The following PSG8 variants were observed in gnomAD, a reference collection of about 807,000 sequenced individuals.
The protein encoded by PSG8 is pregnancy-specific beta-1-glycoprotein 8.
Under a neutral mutation model 42.5 loss-of-function variants are expected in PSG8, and 57 were observed. The ratio of observed to expected loss-of-function variants is 1.34; its 90% CI spans 1.08 to 1.67. The LOEUF (loss-of-function observed/expected upper bound fraction) is 1.67. Ranked by LOEUF, PSG8 falls within the 40% of genes most tolerant of loss-of-function variation. The pLI is 0.00. For synonymous variants in PSG8, 280 were observed against 196.8 expected (o/e 1.42, Z -3.54); for missense variants, 783 against 518.6 (o/e 1.51, Z -4.95).
chr19:42,758,293 C>G lies in PSG8; in HGVS notation c.431-13G>C, dbSNP rs1456082552. The G allele has an allele frequency of 2.5e-6, 4 of 1,611,678 alleles. No homozygotes were observed. The highest frequency in any genetic ancestry group is 1.1e-5 in the South Asian group (1 of 90,930). ...TTGGGAGTCTCCACTGTGCAGAAAA[C>G]AGAGAGAAGATTGCCCTGTGTGGCA... On this transcript the variant is annotated splice_polypyrimidine_tract_variant and intron_variant, in intron 2 of 4. Transcript: ENST00000306511.
rs139062966 is a variant in PSG8, at chr19:42,757,294, T to C, written c.709+708A>G. Among the ~76,000 whole-genome samples the C allele has an allele frequency of 7.2e-5, 11 of 152,228 alleles. No individual in the cohort carries two copies. In the East Asian group the frequency reaches 2.1e-3, roughly 29 times the overall value. On this transcript the variant is annotated intron_variant, in intron 3 of 4. Transcript: ENST00000306511. ...AGGTGGCTCTTCCCTGATAACTAGATAGACTTCACTGGAAAACATAGTGCC... is the reference window on the plus strand; with the variant it reads ...AGGTGGCTCTTCCCTGATAACTAGACAGACTTCACTGGAAAACATAGTGCC...
rs550190245 is a variant in PSG8 at position 42,760,596 on chromosome 19, T to C, written c.431-2316A>G. Among the ~76,000 whole-genome samples, 4 of 152,180 alleles carry C rather than the reference T, an allele frequency of 2.6e-5. No individual in the cohort carries two copies. The East Asian group carries it at 7.7e-4, about 29-fold the overall frequency. ...TTCATTTCTCTAACAGCATTTTTTT[T>C]TTCTGAGACAGAGTCTCACTCTGTC... On this transcript the variant is annotated intron_variant, in intron 2 of 4. Coordinates refer to ENST00000306511, the MANE Select transcript of PSG8 (RefSeq NM_182707.3).
At position 42,764,103 on chromosome 19, in the gene PSG8, T is replaced by C. The variant is rs1463386375; in HGVS notation, c.243A>G (p.Ser81=). The C allele has an allele frequency of 1.9e-6, 3 of 1,613,828 alleles. No homozygotes were observed. The highest frequency in any genetic ancestry group is 2.2e-5 in the East Asian group (1 of 44,862). Residue 81 remains serine (S), a synonymous_variant, in exon 2 of 5, where the codon TCA becomes TCG. Coordinates refer to ENST00000306511, the MANE Select transcript of PSG8 (RefSeq NM_182707.3). The part of the protein sequence containing the change: ...QIRDLYHYIT[S]YVVDGQIIIY... ...TAATTATTTGACCGTCTACTACATA[T>C]GATGTAATGTAATGGTAGAGGTCCC...
Position 42,758,005 on chromosome 19 carries a change from G to T in PSG8, c.706C>A (p.Leu236Ile), listed in dbSNP as rs2122247544. 1.2e-6 allele frequency: 2 copies of T among 1,614,062 alleles called. No individual in the cohort carries two copies. Among genetic ancestry groups the T allele is most frequent in the East Asian group, 2.2e-5 (1 of 44,882 alleles). Residue 236 changes from leucine to isoleucine, a missense_variant, in exon 3 of 5, where the codon CTC becomes ATC. Transcript: ENST00000306511. ...SRSDPFTLNL[L>I]PKLPKPYITI... ...CAGAGGAACAGAAAATACTCACGGA[G>T]GAGATTCAGGGTGAATGGGTCACTG...
chr19:42,758,463 C>T (rs1411920578), intron 2 of PSG8, 183 bp from the exon 3 acceptor site: 30 of 1,300,608 alleles, frequency 2.3e-5, no homozygotes, highest in Admixed American at 2.1e-4. Context: ...TGTGAGGCTG[C>T]CTGCTTCATG....
chr19:42,763,795 C>T (rs1970136663), intron 2 of PSG8, 121 bp downstream of exon 2: 4 of 1,564,050 alleles, frequency 2.6e-6, no homozygotes, highest in Admixed American at 1.7e-5. Context: ...ATGCCCAAAC[C>T]CCAGCATGGG....
rs1188574591 is a variant in PSG8 at position 42,764,154 on chromosome 19, G to A, written c.192C>T (p.Gly64=). 2.5e-6 allele frequency: 4 copies of A among 1,613,900 alleles called. No homozygotes were observed. Among genetic ancestry groups the A allele is most frequent in the East Asian group, 4.5e-5 (2 of 44,862 alleles). Reference sequence around the variant, plus strand: ...TGATTTGCCCTTTGTACCAGATGTAGCCAGTAAGATTCTGGGGCAAATTGT... The same window carrying A: ...TGATTTGCCCTTTGTACCAGATGTAACCAGTAAGATTCTGGGGCAAATTGT... The part of the protein sequence containing the change: ...LVHNLPQNLT[G]YIWYKGQIRD... Residue 64 remains glycine (G), a synonymous_variant, in exon 2 of 5, where the codon GGC becomes GGT. Transcript: ENST00000306511.
intron 2 of PSG8, among the ~76,000 whole-genome samples, chr19:42,759,629 G>A (rs1471593635): frequency 6.6e-6 from 1 of 152,120 alleles, no homozygotes; most frequent in Non-Finnish European, 1.5e-5. Flanking sequence ...TCAGATTGTG[G>A]ATTTCTGGAT....
In PSG8 at chr19:42,765,424, T is replaced by C. The variant is rs988636865; in HGVS notation, c.64+94A>G. The stretch of plus-strand genomic sequence containing the variant: ...GCCTCAGCCTCCCAAAGTGCTGGCT[T>C]CTTTCATTTTTTAGTACCCCATACT... On this transcript the variant is annotated intron_variant, in intron 1 of 4. Coordinates refer to ENST00000306511, the MANE Select transcript of PSG8 (RefSeq NM_182707.3). 2.2e-4 allele frequency: 339 copies of C among 1,565,960 alleles called. 2 individuals are homozygous for C. Among genetic ancestry groups the C allele is most frequent in the Non-Finnish European group, 2.7e-4 (307 of 1,148,396 alleles).
chr19:42,763,601 C>T (rs1358104844), intron 2 of PSG8: 2 of 455,608 alleles, frequency 4.4e-6, no homozygotes, highest in Admixed American at 7.2e-5. Flanking sequence ...CTCAGTTCTC[C>T]AGGGTCTTTC....
chr19:42,754,461 A>C lies in PSG8; in HGVS notation c.1115T>G (p.Phe372Cys). The C allele has an allele frequency of 6.2e-7, 1 of 1,613,944 alleles. No individual in the cohort carries two copies. Among genetic ancestry groups the C allele is most frequent in the Non-Finnish European group, 8.5e-7 (1 of 1,179,886 alleles). ...AQYSWTINGK[F>C]QLSGQKLFIP... ...AAAGAGCTTTTGTCCTGATAGCTGA[A>C]ACTTCCCATTAATTGTCCAAGAATA... Residue 372 changes from phenylalanine (F) to cysteine (C), a missense_variant, in exon 5 of 5, where the codon TTT becomes TGT. Physicochemically the swap from Phe to Cys is radical, Grantham distance 205. Transcript: ENST00000306511.
downstream of PSG8, chr19:42,753,910 G>C (rs1600403567): frequency 1.9e-6 from 1 of 517,880 alleles, no homozygotes; most frequent in South Asian, 1.6e-5. Context: ...CAGTCAGGTA[G>C]AAAGCAAAAG....
intron 2 of PSG8, among the ~76,000 whole-genome samples, chr19:42,760,246 A>T (rs15708): frequency 3.9e-5 from 6 of 152,134 alleles, no homozygotes; most frequent in South Asian, 2.1e-4. Flanking sequence ...AATGGCATCA[A>T]CATGAGGAAA....
At chr19:42,756,207 G>C (rs935527356) in intron 3 of PSG8, 1 of 152,146 alleles carries the variant, frequency 6.6e-6, no homozygotes, top group Non-Finnish European at 1.5e-5. Flanking sequence ...TCTTTCACTG[G>C]ACATTCTACT....
Position 42,758,015 on chromosome 19 carries a change from G to C in PSG8, c.696C>G (p.Thr232=), listed in dbSNP as rs754264222. The C allele has an allele frequency of 6.2e-7, 1 of 1,614,008 alleles. No individual in the cohort carries two copies. The highest frequency in any genetic ancestry group is 1.1e-5 in the South Asian group (1 of 91,064). ...PVSASRSDPF[T]LNLLPKLPKP... Reference sequence around the variant, plus strand: ...GAAAATACTCACGGAGGAGATTCAGGGTGAATGGGTCACTGCGGCTGGCAC... The same window carrying C: ...GAAAATACTCACGGAGGAGATTCAGCGTGAATGGGTCACTGCGGCTGGCAC... The change falls in exon 3 of 5, where the codon ACC becomes ACG. Residue 232 remains threonine (T), a synonymous_variant. Transcript: ENST00000306511.
chr19:42,756,101 A>T (rs1350801757), intron 3 of PSG8: 1 of 152,238 alleles, frequency 6.6e-6, no homozygotes, highest in African/African-American at 2.4e-5. Flanking sequence ...TGACTGGTAG[A>T]AAGGGTGGGA....
rs188524932 is a variant in PSG8 at position 42,759,583 on chromosome 19, A to C, written c.431-1303T>G. Among the ~76,000 whole-genome samples, 138 of 152,266 alleles carry C rather than the reference A, an allele frequency of 9.1e-4. 2 individuals carry two copies. The highest frequency in any genetic ancestry group is 3.1e-3 in the African/African-American group (128 of 41,556). On this transcript the variant is annotated intron_variant, in intron 2 of 4. Coordinates refer to ENST00000306511, the MANE Select transcript of PSG8 (RefSeq NM_182707.3). ...CCAGTGAGCACTTCTTTTTAGCATCACATCAGTGGTCAGAAGTGTTGAGTT... is the reference window on the plus strand; with the variant it reads ...CCAGTGAGCACTTCTTTTTAGCATCCCATCAGTGGTCAGAAGTGTTGAGTT...
At position 42,764,103 on chromosome 19, in the gene PSG8, T is replaced by A. The variant is rs1463386375; in HGVS notation, c.243A>T (p.Ser81=). 4 of 1,613,710 alleles carry A rather than the reference T, an allele frequency of 2.5e-6. No individual in the cohort carries two copies. Among genetic ancestry groups the A allele is most frequent in the Admixed American group, 1.7e-5 (1 of 59,980 alleles). The change falls in exon 2 of 5, where the codon TCA becomes TCT. Residue 81 remains serine, a synonymous_variant. Transcript: ENST00000306511. ...TAATTATTTGACCGTCTACTACATA[T>A]GATGTAATGTAATGGTAGAGGTCCC... The part of the protein sequence containing the change: ...QIRDLYHYIT[S]YVVDGQIIIY...
rs760402112 is a variant in PSG8 at position 42,754,991 on chromosome 19, G to A, written c.985C>T (p.Leu329Phe). 6.2e-7 allele frequency: 1 copy of A among 1,613,190 alleles called. No individual in the cohort carries two copies. Among genetic ancestry groups the A allele is most frequent in the African/African-American group, 1.3e-5 (1 of 75,002 alleles). The change falls in exon 4 of 5, where the codon CTC becomes TTC. Residue 329 changes from leucine (L) to phenylalanine (F), a missense_variant. Transcript: ENST00000306511. ...CAGAGGAACAAAAGATACTCACAGA[G>A]GACATTCAGGGTGACTGGGTAACTG... ...IRSYPVTLNV[L>F]YGPDLPRIYP...
Sources: allele counts gnomAD v4.1 joint callset (sites outside exome capture counted in the v4.1 genomes callset), GRCh38; gene constraint gnomAD v4.1.1; transcripts MANE v1.5; gene names NCBI Gene and HGNC (gene_info 2026-07-23, HGNC 2026-07-21).